The following RAB22A variants were observed in gnomAD, a reference collection of about 807,000 sequenced individuals.
RAB22A encodes the protein RAB22A, member RAS oncogene family.
A neutral mutation model predicts 30.2 loss-of-function variants in RAB22A; 13 were observed. The ratio of observed to expected loss-of-function variants is 0.43; its 90% confidence interval spans 0.28 to 0.68. The LOEUF (loss-of-function observed/expected upper bound fraction) is 0.68, where lower values mean the gene tolerates loss of function less well. RAB22A is among the 30% of genes least tolerant of loss of function. The probability of loss-of-function intolerance (pLI) is 0.18; values close to 1 mark genes in which losing one functional copy is unlikely to be tolerated. For missense variants in RAB22A, 177 were observed against 246.8 expected, an observed-to-expected ratio of 0.72 and a Z score of 1.89; for synonymous variants, 89 against 87.2, an observed-to-expected ratio of 1.02 and a Z score of -0.11.
intron 2 of RAB22A, among the ~76,000 whole-genome samples, chr20:58,330,144 A>G (rs942576284): frequency 5.3e-5 from 8 of 152,214 alleles, no homozygotes; most frequent in South Asian, 2.1e-4. Context: ...ATATCATTTT[A>G]TACAACAGTT....
intron 2 of RAB22A, among the ~76,000 whole-genome samples, chr20:58,329,757 A>G (rs1428917291): frequency 2.0e-5 from 3 of 152,192 alleles, no homozygotes; most frequent in Admixed American, 1.3e-4. Context: ...ACCACAGGCC[A>G]TGGAGGCTCT....
intron 2 of RAB22A, among the ~76,000 whole-genome samples, chr20:58,313,149 G>A (rs1771413811): frequency 6.6e-6 from 1 of 152,078 alleles, no homozygotes; most frequent in African/African-American, 2.4e-5. Context: ...ATGCATCTTG[G>A]TGAGGCACGC....
chr20:58,331,622 G>A (rs1303861891), intron 2 of RAB22A, among the ~76,000 whole-genome samples: 3 of 151,828 alleles, frequency 2.0e-5, no homozygotes, highest in East Asian at 3.9e-4. Flanking sequence ...GCTTTTTATT[G>A]TATTTGCCCT....
At chr20:58,353,134 T>C in intron 3 of RAB22A, 139 bp from the exon 4 acceptor site, 1 of 753,354 alleles carries the variant, frequency 1.3e-6, no homozygotes, top group Non-Finnish European at 2.1e-6. Context: ...ACTGGTTCAT[T>C]TGCTTTAAAG....
rs953180653 is a variant in RAB22A, at chr20:58,361,323, T to C, written c.*1620T>C. 1 of 152,622 alleles carries C rather than the reference T, an allele frequency of 6.6e-6. No individual in the cohort carries two copies. The highest frequency in any genetic ancestry group is 2.4e-5 in the African/African-American group (1 of 41,452). 9.5% of individuals were successfully genotyped at this position (152,622 alleles called of 1,614,324 possible). ...GTATTATTTTGTGCCCCCCACTTAA[T>C]ATGGATAGATTTTAATGGGAAAATT... On this transcript the variant is annotated 3_prime_UTR_variant, in exon 7 of 7. Transcript: ENST00000244040.
At chr20:58,352,026 T>C (rs1208609651) in intron 3 of RAB22A, among the ~76,000 whole-genome samples, 1 of 152,122 alleles carries the variant, frequency 6.6e-6, no homozygotes, top group Non-Finnish European at 1.5e-5. Context: ...TGTGGTTATA[T>C]AATATCAGTA....
intron 2 of RAB22A, among the ~76,000 whole-genome samples, chr20:58,328,855 A>T (rs544542474): frequency 3.9e-5 from 6 of 152,298 alleles, no homozygotes; most frequent in African/African-American, 1.4e-4. Context: ...GGAAGAAAGG[A>T]GGAAGAGCAA....
chr20:58,314,302 TA>T (rs1986291558), intron 2 of RAB22A, among the ~76,000 whole-genome samples: 1 of 152,026 alleles, frequency 6.6e-6, no homozygotes, highest in Non-Finnish European at 1.5e-5. Context: ...TGACCTCAGG[TA>T]ATCTGCCTGC....
intron 2 of RAB22A, among the ~76,000 whole-genome samples, chr20:58,323,285 A>G (rs1225120215): frequency 2.6e-5 from 4 of 152,028 alleles, no homozygotes; most frequent in African/African-American, 9.7e-5. Flanking sequence ...TTTGTTGATT[A>G]TATACAGAAA....
rs1987205153 is a variant in RAB22A at position 58,360,348 on chromosome 20, G to A, written c.*645G>A. On this transcript the variant is annotated 3_prime_UTR_variant, in exon 7 of 7. Transcript: ENST00000244040. ...CTGGGTTTGCTTCTGACCTTGTCAT[G>A]TGTGTGCCACCAAACACGTTATTGG... 1 of 152,658 alleles carries A rather than the reference G, an allele frequency of 6.6e-6. No individual in the cohort carries two copies. Among genetic ancestry groups the A allele is most frequent in the Non-Finnish European group, 1.5e-5 (1 of 68,042 alleles). 9.5% of individuals were successfully genotyped at this position (152,658 alleles called of 1,614,324 possible).
intron 3 of RAB22A, among the ~76,000 whole-genome samples, chr20:58,351,021 A>G (rs1466486321): frequency 6.6e-6 from 1 of 152,192 alleles, no homozygotes; most frequent in Non-Finnish European, 1.5e-5. Context: ...GAAGTGGTGC[A>G]TTTTAAACTA....
chr20:58,313,035 C>G (rs1228747806), intron 2 of RAB22A, among the ~76,000 whole-genome samples: 1 of 152,150 alleles, frequency 6.6e-6, no homozygotes, highest in Non-Finnish European at 1.5e-5. Context: ...ACACTTCACA[C>G]TGAGTCAGAG....
chr20:58,314,929 A>C (rs1284808289), intron 2 of RAB22A, among the ~76,000 whole-genome samples: 1 of 152,006 alleles, frequency 6.6e-6, no homozygotes, highest in Non-Finnish European at 1.5e-5. Context: ...AAAGAACCAG[A>C]ATGGGCATGA....
chr20:58,358,423 C>T (rs1406963545), intron 6 of RAB22A, among the ~76,000 whole-genome samples: 1 of 152,178 alleles, frequency 6.6e-6, no homozygotes, highest in Non-Finnish European at 1.5e-5. Flanking sequence ...AATACCGTGA[C>T]CTAGCTCTTC....
At chr20:58,325,529 T>G (rs2122936793) in intron 2 of RAB22A, among the ~76,000 whole-genome samples, 1 of 152,336 alleles carries the variant, frequency 6.6e-6, no homozygotes, top group Middle Eastern at 3.4e-3. Flanking sequence ...AACAAGTTTT[T>G]TTTATAGATC....
chr20:58,329,929 A>G (rs927134257), intron 2 of RAB22A, among the ~76,000 whole-genome samples: 1 of 152,186 alleles, frequency 6.6e-6, no homozygotes, highest in Non-Finnish European at 1.5e-5. Flanking sequence ...TCCACCAACC[A>G]CAGATTGAAA....
At chr20:58,317,743 A>T (rs1048226317) in intron 2 of RAB22A, among the ~76,000 whole-genome samples, 3 of 151,672 alleles carry the variant, frequency 2.0e-5, no homozygotes, top group African/African-American at 7.3e-5. Context: ...TATTTTTAGT[A>T]GAGACGGGGT....
At position 58,332,983 on chromosome 20, in the gene RAB22A, AATAT is replaced by A. The variant is rs920289861; in HGVS notation, c.117-10725_117-10722del. On this transcript the variant is annotated intron_variant, in intron 2 of 6. Transcript: ENST00000244040. ...TACAGCATCTTTAACATAGTTTAAAAATATATATATATAGGCGGGGTGTGGTGGC... is the reference window on the plus strand; with the variant it reads ...TACAGCATCTTTAACATAGTTTAAAAATATATATAGGCGGGGTGTGGTGGC... Among the ~76,000 whole-genome samples, 3 of 151,636 alleles carry A rather than the reference AATAT, an allele frequency of 2.0e-5. No individual in the cohort carries two copies. The East Asian group carries it at 5.8e-4, about 29-fold the overall frequency.
intron 3 of RAB22A, among the ~76,000 whole-genome samples, chr20:58,353,023 A>G (rs529679343): frequency 6.6e-6 from 1 of 152,352 alleles, no homozygotes; most frequent in African/African-American, 2.4e-5. Flanking sequence ...AGCTGAAACA[A>G]TTGTTTATAG....
Sources: allele counts gnomAD v4.1 joint callset (sites outside exome capture counted in the v4.1 genomes callset), GRCh38; gene constraint gnomAD v4.1.1; transcripts MANE v1.5; gene names NCBI Gene and HGNC (gene_info 2026-07-23, HGNC 2026-07-21).